Variants in FNDC1 observed in about 807,000 individuals in gnomAD.
FNDC1 encodes the protein fibronectin type III domain containing 1, also known as fibronectin type III domain-containing protein 1.
In FNDC1, 96 loss-of-function variants were observed where a neutral mutation model predicts 168.0. The observed-to-expected ratio is 0.57, with a 90% CI of 0.48 to 0.68. The LOEUF (loss-of-function observed/expected upper bound fraction) is 0.68. Among genes scored for constraint, FNDC1 ranks in the 30% least tolerant of loss-of-function variants. The pLI, the probability that FNDC1 is intolerant of heterozygous loss-of-function variation, is 0.00. For missense variants in FNDC1, 2,587 were observed against 2,482.1 expected, an observed-to-expected ratio of 1.04 and a Z score of -0.90; for synonymous variants, 1,099 against 1,025.9, an observed-to-expected ratio of 1.07 and a Z score of -1.36.
At chr6:159,225,144 G>A (rs910756864) in intron 7 of FNDC1, among the ~76,000 whole-genome samples, 2 of 151,666 alleles carry the variant, frequency 1.3e-5, no homozygotes, top group Non-Finnish European at 2.9e-5. Flanking sequence ...CTTGGGCCAG[G>A]TCCCTACTAG....
chr6:159,208,878 G>A (rs917053174), intron 4 of FNDC1, among the ~76,000 whole-genome samples: 18 of 128,314 alleles, frequency 1.4e-4, no homozygotes, highest in Non-Finnish European at 2.5e-4. Context: ...ACAGAGTCTC[G>A]CTCTTCTCGC....
In FNDC1 at chr6:159,232,330, G is replaced by T; in HGVS notation, c.1818G>T (p.Thr606=). The change falls in exon 11 of 23, where the codon ACG becomes ACT. Residue 606 remains threonine, a synonymous_variant. Transcript: ENST00000297267. The surrounding 1 kb of genome is among the most constrained non-coding windows in gnomAD (Gnocchi z 4.9). ...ATAAGCCTGGCTTTTCCCTGGCCAC[G>T]CAGCCCCGCCCAGGGGCGCCCCCCT... The part of the protein sequence containing the change: ...GVDKPGFSLA[T]QPRPGAPPSA... 6.2e-7 allele frequency: 1 copy of T among 1,613,244 alleles called. No individual in the cohort carries two copies. The highest frequency in any genetic ancestry group is 8.5e-7 in the Non-Finnish European group (1 of 1,179,662).
In FNDC1 at chr6:159,169,568, AC is replaced by A. The variant is rs1350834182; in HGVS notation, c.-26del. ...CAGCGCCCCCCTGCCAGCCGCAAGCACCCAGCCCCGGCCCACCCCGGGCTCT... is the reference window on the plus strand; with the variant it reads ...CAGCGCCCCCCTGCCAGCCGCAAGCACCAGCCCCGGCCCACCCCGGGCTCT... On this transcript the variant is annotated 5_prime_UTR_variant, in exon 1 of 23. Transcript: ENST00000297267. This position sits in a 1 kb window ranked among gnomAD's most constrained non-coding sequence, Gnocchi z 6.8. 1.1e-6 allele frequency: 1 copy of A among 894,704 alleles called. No individual in the cohort carries two copies. Among genetic ancestry groups the A allele is most frequent in the Non-Finnish European group, 1.4e-6 (1 of 722,034 alleles). 55.4% of individuals were successfully genotyped at this position (894,704 alleles called of 1,614,324 possible). A position where few individuals can be genotyped will look rare whatever the true frequency, so the allele number is the denominator to read the frequency against.
chr6:159,234,386 A>G lies in FNDC1; in HGVS notation c.3874A>G (p.Thr1292Ala). The G allele has an allele frequency of 6.2e-7, 1 of 1,613,030 alleles. No homozygotes were observed. The highest frequency in any genetic ancestry group is 8.5e-7 in the Non-Finnish European group (1 of 1,179,594). ...TTRAPPGHFS[T>A]TPMLSLRQRM... ...GCGCGCCCCACCTGGCCACTTCTCC[A>G]CCACCCCGATGCTGTCCTTGCGCCA... is the stretch of plus-strand genomic sequence containing the variant. The change falls in exon 11 of 23, where the codon ACC becomes GCC. Residue 1292 changes from threonine (T) to alanine (A), a missense_variant. Transcript: ENST00000297267.
chr6:159,254,973 T>C (rs573432309), intron 17 of FNDC1, among the ~76,000 whole-genome samples: 12 of 152,310 alleles, frequency 7.9e-5, no homozygotes, highest in African/African-American at 2.6e-4. Flanking sequence ...TCATCTAAGC[T>C]ATTGCCATCT....
At chr6:159,197,247 T>C (rs1351192297) in intron 1 of FNDC1, among the ~76,000 whole-genome samples, 184 bp from the exon 2 acceptor site, 1 of 152,224 alleles carries the variant, frequency 6.6e-6, no homozygotes. Context: ...GGCCTGTGGG[T>C]TTGGTATATT....
chr6:159,240,993 G>C (rs1212691885), intron 14 of FNDC1: 1 of 152,190 alleles, frequency 6.6e-6, no homozygotes, highest in Non-Finnish European at 1.5e-5. Flanking sequence ...CATGAATACT[G>C]TATCCAAAAT....
At chr6:159,230,338 C>G (rs1433444463) in intron 10 of FNDC1, among the ~76,000 whole-genome samples, 1 of 152,066 alleles carries the variant, frequency 6.6e-6, no homozygotes, top group Non-Finnish European at 1.5e-5. Context: ...TCATTGTCAG[C>G]TCTCTTCAAT....
intron 10 of FNDC1, among the ~76,000 whole-genome samples, 186 bp from the exon 11 acceptor site, chr6:159,231,696 A>G (rs1783085822): frequency 6.6e-6 from 1 of 152,230 alleles, no homozygotes; most frequent in Non-Finnish European, 1.5e-5. Flanking sequence ...TTAAAGCAAA[A>G]TATAAGTTTT....
intron 1 of FNDC1, among the ~76,000 whole-genome samples, chr6:159,176,530 AC>A (rs143594951): frequency 0.022 from 3,413 of 152,314 alleles, 107 homozygotes; most frequent in African/African-American, 0.077. Flanking sequence ...CTGAGGAAGG[AC>A]ATCTCTGGTC....
rs770558408 is a variant in FNDC1, at chr6:159,225,532, C to T, written c.885-3C>T. ...CAGATCATTGTGTTGTGTTTTCTTA[C>T]AGACAGTACACCGTGCGCTATCGAG... On this transcript the variant is annotated splice_polypyrimidine_tract_variant and splice_region_variant and intron_variant, in intron 7 of 22. Transcript: ENST00000297267. The T allele has an allele frequency of 6.2e-7, 1 of 1,600,984 alleles. No individual in the cohort carries two copies. Among genetic ancestry groups the T allele is most frequent in the South Asian group, 1.1e-5 (1 of 89,502 alleles).
chr6:159,178,205 T>G (rs1293686694), intron 1 of FNDC1, among the ~76,000 whole-genome samples: 1 of 152,200 alleles, frequency 6.6e-6, no homozygotes, highest in Non-Finnish European at 1.5e-5. Flanking sequence ...ACTGGCACTA[T>G]CCTCTTCATT....
intron 4 of FNDC1, among the ~76,000 whole-genome samples, chr6:159,205,088 A>G: frequency 6.6e-6 from 1 of 152,170 alleles, no homozygotes; most frequent in East Asian, 1.9e-4. Context: ...CTTGGAAAGC[A>G]TGGTAGACCT....
chr6:159,265,098 G>A (rs1583924289), intron 20 of FNDC1, 94 bp downstream of exon 20: 2 of 1,117,588 alleles, frequency 1.8e-6, no homozygotes, highest in East Asian at 5.1e-5. Context: ...AGAAAGTCTG[G>A]ACCATTTTCA....
chr6:159,189,616 A>C (rs567970272), intron 1 of FNDC1, among the ~76,000 whole-genome samples: 1 of 152,336 alleles, frequency 6.6e-6, no homozygotes, highest in African/African-American at 2.4e-5. Context: ...GAATGATGGC[A>C]GAGGCCACAG....
At chr6:159,240,257 C>T (rs1380710974) in intron 14 of FNDC1, among the ~76,000 whole-genome samples, 1 of 152,192 alleles carries the variant, frequency 6.6e-6, no homozygotes. Context: ...TATCACAACC[C>T]AAGTCAAGAA....
intron 1 of FNDC1, among the ~76,000 whole-genome samples, chr6:159,181,133 G>A (rs940507984): frequency 6.6e-6 from 1 of 152,042 alleles, no homozygotes; most frequent in Non-Finnish European, 1.5e-5. Flanking sequence ...CCATAACCTC[G>A]ACAGCATCTG....
intron 1 of FNDC1, among the ~76,000 whole-genome samples, chr6:159,190,938 TG>T (rs1329631629): frequency 1.3e-5 from 2 of 152,190 alleles, no homozygotes; most frequent in African/African-American, 2.4e-5. Flanking sequence ...TACCTGAGAC[TG>T]GGTAATTTAT....
chr6:159,253,188 G>T (rs543675737), intron 17 of FNDC1, among the ~76,000 whole-genome samples: 1 of 152,256 alleles, frequency 6.6e-6, no homozygotes, highest in African/African-American at 2.4e-5. Flanking sequence ...TATGGATGAG[G>T]TGTTTATAAG....
Sources: gnomAD v4.1 joint callset for allele counts (sites outside exome capture counted in the v4.1 genomes callset) on GRCh38, gnomAD v4.1.1 for gene constraint, Gnocchi (gnomAD v3.1) non-coding constraint, MANE v1.5 for transcripts, NCBI Gene and HGNC (gene_info 2026-07-23, HGNC 2026-07-21) for gene names.